LIPA: variants seen among roughly 807,000 people sequenced by gnomAD.
LIPA encodes lipase A, lysosomal acid type.
A neutral mutation model predicts 40.6 loss-of-function variants in LIPA; 26 were observed. That is an observed-to-expected ratio of 0.64 (90% CI 0.47 to 0.89). The LOEUF (loss-of-function observed/expected upper bound fraction) is 0.89, where lower values mean the gene tolerates loss of function less well. LIPA is among the 40% of genes least tolerant of loss of function. The pLI, the probability that LIPA is intolerant of heterozygous loss-of-function variation, is 0.00. For synonymous variants in LIPA, 188 were observed against 168.4 expected (o/e 1.12, Z -0.90); for missense variants, 455 against 479.6 (o/e 0.95, Z 0.48).
At chr10:89,273,714 T>C (rs1843277069) in intron 1 of LIPA, among the ~76,000 whole-genome samples, 1 of 152,194 alleles carries the variant, frequency 6.6e-6, no homozygotes, top group Non-Finnish European at 1.5e-5. Flanking sequence ...TTCATTGAGA[T>C]ATTCCTGAGC....
At chr10:89,267,088 AC>A (rs1843240375) in intron 1 of LIPA, among the ~76,000 whole-genome samples, 1 of 152,190 alleles carries the variant, frequency 6.6e-6, no homozygotes, top group Admixed American at 6.5e-5. Flanking sequence ...ATTATCTTCA[AC>A]CCTCCTGTTC....
intron 2 of LIPA, chr10:89,403,811 C>T: frequency 1.5e-6 from 1 of 675,048 alleles, no homozygotes; most frequent in Non-Finnish European, 2.5e-6. Flanking sequence ...TTATAATTCA[C>T]TGTAATGATG....
At chr10:89,392,568 C>G in intron 2 of LIPA, 1 of 605,154 alleles carries the variant, frequency 1.7e-6, no homozygotes, top group Non-Finnish European at 2.8e-6. Context: ...CCACAGCTTA[C>G]ACCATTGGCT....
intron 1 of LIPA, among the ~76,000 whole-genome samples, chr10:89,298,705 A>G (rs77274133): frequency 0.053 from 8,069 of 152,162 alleles, 471 homozygotes; most frequent in East Asian, 0.15. Flanking sequence ...TCAAAATTAT[A>G]CTAAGCACAG....
chr10:89,242,185 T>G (rs1842972289), intron 3 of LIPA, among the ~76,000 whole-genome samples: 1 of 152,192 alleles, frequency 6.6e-6, no homozygotes, highest in Non-Finnish European at 1.5e-5. Context: ...GAAGTGTAAT[T>G]TCTGAATTTC....
chr10:89,253,781 G>T (rs1463633098), upstream of LIPA, among the ~76,000 whole-genome samples: 1 of 152,184 alleles, frequency 6.6e-6, no homozygotes, highest in Non-Finnish European at 1.5e-5. Context: ...ATACAATGGG[G>T]GTACAGGCAT....
chr10:89,358,749 G>A (rs548611200), intron 2 of LIPA, among the ~76,000 whole-genome samples: 2 of 152,294 alleles, frequency 1.3e-5, no homozygotes, highest in Admixed American at 1.3e-4. Context: ...ATAGAGAGTG[G>A]AATGTTGGTT....
At chr10:89,381,630 T>A (rs1252666860) in intron 2 of LIPA, among the ~76,000 whole-genome samples, 2 of 152,126 alleles carry the variant, frequency 1.3e-5, no homozygotes, top group African/African-American at 4.8e-5. Context: ...GTTTTTTAGA[T>A]GGAGACTCTG....
At chr10:89,352,603 A>C (rs947142614) in intron 2 of LIPA, among the ~76,000 whole-genome samples, 1 of 152,098 alleles carries the variant, frequency 6.6e-6, no homozygotes, top group South Asian at 2.1e-4. Context: ...GTAACTGCCC[A>C]AGGGTTTTTT....
rs554683932 is a variant in LIPA at position 89,327,047 on chromosome 10, C to CAGATTCAAAGATTTTCTG, written c.-2+15546_-2+15563dup. Among the ~76,000 whole-genome samples, 147 of 152,268 alleles carry CAGATTCAAAGATTTTCTG rather than the reference C, an allele frequency of 9.7e-4. 3 individuals are homozygous for CAGATTCAAAGATTTTCTG. The South Asian group carries it at 0.029, about 30-fold the overall frequency. On this transcript the variant is annotated intron_variant, in intron 1 of 5. Transcript: ENST00000282673. ...AGCGGGGCAGCTTCCAAGTCATAGG[C>CAGATTCAAAGATTTTCTG]AGATTCAAAGATTTTCTGATTGACA...
chr10:89,362,770 A>G, intron 2 of LIPA: 1 of 706,918 alleles, frequency 1.4e-6, no homozygotes, highest in Non-Finnish European at 2.2e-6. Flanking sequence ...TGTGGAGGAA[A>G]GAATTATGAA....
chr10:89,278,251 T>C (rs1211893517), intron 1 of LIPA: 4 of 152,156 alleles, frequency 2.6e-5, no homozygotes, highest in Admixed American at 1.3e-4. Flanking sequence ...AGAGAAAAAA[T>C]AAGTCACAAG....
chr10:89,294,221 T>A (rs576896268), intron 1 of LIPA, among the ~76,000 whole-genome samples: 30 of 152,260 alleles, frequency 2.0e-4, no homozygotes, highest in Non-Finnish European at 3.7e-4. Context: ...ACTCAAAGAC[T>A]GCCCAACTGC....
intron 5 of LIPA, 123 bp downstream of exon 5, chr10:89,226,770 TTC>T (rs1166959981): frequency 3.0e-6 from 2 of 669,540 alleles, no homozygotes; most frequent in African/African-American, 1.8e-5. Flanking sequence ...TATTCATTAT[TTC>T]TGTTTGGCAT....
chr10:89,246,520 T>C (rs1260929822), intron 2 of LIPA, among the ~76,000 whole-genome samples: 4 of 152,168 alleles, frequency 2.6e-5, no homozygotes, highest in Non-Finnish European at 5.9e-5. Context: ...AGCTTTGAGC[T>C]AAGAAGTAAA....
chr10:89,280,728 G>A (rs1237006589), intron 1 of LIPA, among the ~76,000 whole-genome samples: 1 of 152,218 alleles, frequency 6.6e-6, no homozygotes, highest in Non-Finnish European at 1.5e-5. Context: ...GATAGAATGT[G>A]TGAGGATGTT....
intron 1 of LIPA, among the ~76,000 whole-genome samples, chr10:89,304,599 C>T (rs565349847): frequency 3.3e-5 from 5 of 151,314 alleles, no homozygotes; most frequent in Admixed American, 6.6e-5. Flanking sequence ...ATAGATACCA[C>T]GAAAAAAAAA....
At chr10:89,325,283 C>A (rs1329650649) in intron 1 of LIPA, among the ~76,000 whole-genome samples, 1 of 152,130 alleles carries the variant, frequency 6.6e-6, no homozygotes, top group Non-Finnish European at 1.5e-5. Flanking sequence ...TAAATTAGTT[C>A]AGTCACTATG....
intron 1 of LIPA, among the ~76,000 whole-genome samples, chr10:89,309,725 C>A (rs975448181): frequency 5.3e-5 from 8 of 152,150 alleles, no homozygotes; most frequent in Non-Finnish European, 1.2e-4. Context: ...ACATATTACA[C>A]TTAATATGAG....
Sources: gnomAD v4.1 joint callset for allele counts (sites outside exome capture counted in the v4.1 genomes callset) on GRCh38, gnomAD v4.1.1 for gene constraint, MANE v1.5 for transcripts, NCBI Gene and HGNC (gene_info 2026-07-23, HGNC 2026-07-21) for gene names.